PPARGC1B: variants seen among roughly 807,000 people sequenced by gnomAD.
PPARGC1B encodes peroxisome proliferator-activated receptor gamma coactivator 1-beta.
PPARGC1B carries 34 observed loss-of-function variants against 101.6 expected under a neutral mutation model. The observed-to-expected ratio is 0.33, with a 90% CI of 0.25 to 0.45. PPARGC1B has a LOEUF of 0.45. PPARGC1B is among the 20% of genes least tolerant of loss of function. PPARGC1B has a pLI of 1.00. For missense variants in PPARGC1B, 1,234 were observed against 1,317.6 expected, an observed-to-expected ratio of 0.94 and a Z score of 0.98; for synonymous variants, 548 against 539.3, an observed-to-expected ratio of 1.02 and a Z score of -0.22.
intron 1 of PPARGC1B, among the ~76,000 whole-genome samples, chr5:149,750,080 T>C (rs1755231495): frequency 6.6e-6 from 1 of 152,152 alleles, no homozygotes; most frequent in African/African-American, 2.4e-5. Flanking sequence ...ACAGGTGCAA[T>C]GCTGACTTCT....
intron 1 of PPARGC1B, among the ~76,000 whole-genome samples, chr5:149,742,204 T>C (rs4705086): frequency 0.47 from 71,491 of 152,000 alleles, 17,835 homozygotes; most frequent in African/African-American, 0.65. Flanking sequence ...GAGTTTGTGG[T>C]GCTGGTGCTG....
At chr5:149,764,906 C>T (rs1755848318) in intron 1 of PPARGC1B, among the ~76,000 whole-genome samples, 1 of 152,244 alleles carries the variant, frequency 6.6e-6, no homozygotes, top group Admixed American at 6.5e-5. Flanking sequence ...TCTGAGCCTC[C>T]AAGCATGGAC....
intron 2 of PPARGC1B, among the ~76,000 whole-genome samples, chr5:149,821,545 A>G (rs1758294961): frequency 6.6e-6 from 1 of 152,128 alleles, no homozygotes; most frequent in Non-Finnish European, 1.5e-5. Context: ...TCTCCCTCAT[A>G]AAGATTGGGG....
At chr5:149,793,047 G>A (rs1031434022) in intron 1 of PPARGC1B, among the ~76,000 whole-genome samples, 9 of 151,902 alleles carry the variant, frequency 5.9e-5, no homozygotes, top group Non-Finnish European at 8.8e-5. Context: ...TCATCCAGGC[G>A]GAGGAGAGGT....
At chr5:149,759,135 G>A (rs1179135787) in intron 1 of PPARGC1B, among the ~76,000 whole-genome samples, 2 of 151,798 alleles carry the variant, frequency 1.3e-5, no homozygotes, top group African/African-American at 2.4e-5. Context: ...TTTTCATTTA[G>A]CATTATATTG....
At chr5:149,778,198 T>C (rs1756465627) in intron 1 of PPARGC1B, among the ~76,000 whole-genome samples, 1 of 151,018 alleles carries the variant, frequency 6.6e-6, no homozygotes, top group African/African-American at 2.4e-5. Context: ...TGGAGCAGCA[T>C]CAGCTGGGTC....
In PPARGC1B at chr5:149,832,045, G is replaced by A. The variant is rs1158952665; in HGVS notation, c.583-611G>A. Reference sequence around the variant, plus strand: ...ATTCAGGCTGGTCGCGGTGGCTCACGCCTGTAATCCCAGCACTTTGGGAGG... The same window carrying A: ...ATTCAGGCTGGTCGCGGTGGCTCACACCTGTAATCCCAGCACTTTGGGAGG... On this transcript the variant is annotated intron_variant, in intron 4 of 11. Coordinates refer to ENST00000309241, the MANE Select transcript of PPARGC1B (RefSeq NM_133263.4). This position sits in a 1 kb window ranked among gnomAD's most constrained non-coding sequence, Gnocchi z 4.9. Among the ~76,000 whole-genome samples, 5 of 152,264 alleles carry A rather than the reference G, an allele frequency of 3.3e-5. No homozygotes were observed. In the South Asian group the frequency reaches 6.2e-4, roughly 19 times the overall value.
intron 1 of PPARGC1B, among the ~76,000 whole-genome samples, chr5:149,776,753 CCT>C (rs1756374557): frequency 6.6e-6 from 1 of 152,224 alleles, no homozygotes; most frequent in Admixed American, 6.5e-5. Flanking sequence ...ATTCACATCC[CCT>C]CTCTGCCACT....
At chr5:149,733,152 A>C (rs1318723369) in intron 1 of PPARGC1B, among the ~76,000 whole-genome samples, 1 of 152,160 alleles carries the variant, frequency 6.6e-6, no homozygotes, top group East Asian at 1.9e-4. Flanking sequence ...ATTAAATGGT[A>C]ATTCATTGTC....
chr5:149,771,491 G>A (rs994314548), intron 1 of PPARGC1B, among the ~76,000 whole-genome samples: 1 of 152,226 alleles, frequency 6.6e-6, no homozygotes, highest in African/African-American at 2.4e-5. Context: ...TGATTGCCCA[G>A]GTCTGAAGGG....
At chr5:149,761,013 C>T (rs1755697171) in intron 1 of PPARGC1B, among the ~76,000 whole-genome samples, 1 of 152,222 alleles carries the variant, frequency 6.6e-6, no homozygotes. Context: ...TGCTGGCAGG[C>T]ATCCGGCCCC....
intron 1 of PPARGC1B, among the ~76,000 whole-genome samples, chr5:149,778,240 A>T (rs2113213950): frequency 6.6e-6 from 1 of 151,984 alleles, no homozygotes; most frequent in Non-Finnish European, 1.5e-5. Context: ...AGGGGATGAC[A>T]GAAGGGAGGC....
intron 1 of PPARGC1B, chr5:149,732,965 C>A: frequency 4.3e-6 from 1 of 234,838 alleles, no homozygotes; most frequent in South Asian, 3.9e-5. Context: ...AGCCTCATTT[C>A]CTCCATCTGT....
At chr5:149,789,129 G>T (rs1017465503) in intron 1 of PPARGC1B, among the ~76,000 whole-genome samples, 2 of 152,214 alleles carry the variant, frequency 1.3e-5, no homozygotes, top group African/African-American at 4.8e-5. Flanking sequence ...CTCCGGCTTA[G>T]CAGGAAAGAG....
chr5:149,755,074 AT>A (rs201923907), intron 1 of PPARGC1B, among the ~76,000 whole-genome samples: 10 of 100,332 alleles, frequency 1.0e-4, no homozygotes, highest in African/African-American at 3.0e-4. Context: ...TATATATATA[AT>A]TTTTTTTTCT....
rs533103050 is a variant in PPARGC1B, at chr5:149,851,449, C to G, written c.*3891C>G. On this transcript the variant is annotated 3_prime_UTR_variant, in exon 12 of 12. Transcript: ENST00000309241. ...AATCAGCCCCAGAGGATGTATTGAT[C>G]TGACTCACTGATGTCAAAATTGCAG... 2.2e-4 allele frequency: 34 copies of G among 152,338 alleles called. No individual in the cohort carries two copies. Among genetic ancestry groups the G allele is most frequent in the African/African-American group, 7.2e-4 (30 of 41,566 alleles). The allele number at this position is 152,338 out of a possible 1,614,324, so 9.4% of individuals were successfully genotyped here. A position where few individuals can be genotyped will look rare whatever the true frequency, so the allele number is the denominator to read the frequency against.
At chr5:149,731,231 T>C (rs963310157) in intron 1 of PPARGC1B, among the ~76,000 whole-genome samples, 4 of 152,052 alleles carry the variant, frequency 2.6e-5, no homozygotes, top group Non-Finnish European at 5.9e-5. Context: ...GGTGCTCTGG[T>C]GTGCCGGGGC....
At chr5:149,784,560 CTTTTTTT>C (rs72364863) in intron 1 of PPARGC1B, among the ~76,000 whole-genome samples, 85 of 75,706 alleles carry the variant, frequency 1.1e-3, no homozygotes, top group African/African-American at 3.1e-3. Context: ...AACTGAGTTT[CTTTTTTT>C]TTTTTTTTTT....
intron 1 of PPARGC1B, among the ~76,000 whole-genome samples, chr5:149,796,408 G>A (rs1205930019): frequency 1.3e-5 from 2 of 152,212 alleles, no homozygotes; most frequent in Non-Finnish European, 2.9e-5. Flanking sequence ...GGCAGGGTAG[G>A]CAAGGGCCTT....
Sources: gnomAD v4.1 joint callset for allele counts (sites outside exome capture counted in the v4.1 genomes callset) on GRCh38, gnomAD v4.1.1 for gene constraint, Gnocchi (gnomAD v3.1) non-coding constraint, MANE v1.5 for transcripts, NCBI Gene and HGNC (gene_info 2026-07-23, HGNC 2026-07-21) for gene names.